Variants in PRELID2 observed in about 807,000 individuals in gnomAD.
The protein encoded by PRELID2 is PRELI domain-containing protein 2.
A neutral mutation model predicts 28.4 loss-of-function variants in PRELID2; 25 were observed. The observed-to-expected ratio is 0.88, with a 90% CI of 0.64 to 1.23. PRELID2 has a LOEUF of 1.23. PRELID2 is among the 50% of genes most tolerant of loss of function. The pLI, the probability that PRELID2 is intolerant of heterozygous loss-of-function variation, is 0.00. For missense variants in PRELID2, 201 were observed against 214.4 expected, an observed-to-expected ratio of 0.94 and a Z score of 0.39; for synonymous variants, 76 against 71.6, an observed-to-expected ratio of 1.06 and a Z score of -0.31.
chr5:145,363,399 CA>C, the PRELID2 span, among the ~76,000 whole-genome samples: 23 of 152,028 alleles, frequency 1.5e-4, no homozygotes, highest in African/African-American at 5.5e-4. Flanking sequence ...TAAGTAAAAT[CA>C]AAATCCTGTG....
intron 1 of PRELID2, among the ~76,000 whole-genome samples, chr5:145,613,809 A>G (rs548843493): frequency 1.2e-3 from 182 of 151,894 alleles, no homozygotes; most frequent in Non-Finnish European, 1.9e-3. Flanking sequence ...GCTGTGCAAA[A>G]GCTCTTCAGT....
intron 1 of PRELID2, among the ~76,000 whole-genome samples, chr5:145,697,008 A>G (rs1755283223): frequency 7.0e-6 from 1 of 142,686 alleles, no homozygotes; most frequent in African/African-American, 2.5e-5. Flanking sequence ...CAAGCAACAA[A>G]GTGGATGTAG....
At chr5:145,545,577 G>A (rs1235402532) in intron 1 of PRELID2, among the ~76,000 whole-genome samples, 3 of 151,518 alleles carry the variant, frequency 2.0e-5, no homozygotes, top group South Asian at 2.1e-4. Flanking sequence ...CTCTTTTTTT[G>A]TGGAAGAATT....
the PRELID2 span, among the ~76,000 whole-genome samples, chr5:145,281,568 A>G: frequency 6.6e-6 from 1 of 152,310 alleles, no homozygotes; most frequent in South Asian, 2.1e-4. Context: ...ATCTACCACA[A>G]AATAAGACAG....
At chr5:145,563,816 T>C (rs187732057) in intron 1 of PRELID2, among the ~76,000 whole-genome samples, 1 of 152,326 alleles carries the variant, frequency 6.6e-6, no homozygotes, top group Non-Finnish European at 1.5e-5. Flanking sequence ...TATAAAGTTA[T>C]AGTTACATAC....
At chr5:145,397,115 C>G in the PRELID2 span, among the ~76,000 whole-genome samples, 1 of 152,068 alleles carries the variant, frequency 6.6e-6, no homozygotes, top group Non-Finnish European at 1.5e-5. Context: ...AGACCCCTAT[C>G]CTGAATGTGA....
chr5:145,279,579 A>T, the PRELID2 span, among the ~76,000 whole-genome samples: 1 of 152,202 alleles, frequency 6.6e-6, no homozygotes, highest in Non-Finnish European at 1.5e-5. Context: ...CTAGAATTTC[A>T]CAAACTCTAG....
In PRELID2 at chr5:145,740,854, G is replaced by A. The variant is rs867918869; in HGVS notation, n.70+24077C>T. Among the ~76,000 whole-genome samples the A allele has an allele frequency of 4.9e-4, 13 of 26,312 alleles. 2 individuals carry two copies. The highest frequency in any genetic ancestry group is 2.6e-3 in the East Asian group (2 of 782). The allele number at this position is 26,312 out of a possible 152,430, so 17.3% of individuals were successfully genotyped here. ...TATATATTTATCGATAAATATATAT[G>A]TACATATATTTATCGATAAATATAT... On this transcript the variant is annotated intron_variant and non_coding_transcript_variant, in intron 1 of 2. Coordinates refer to the PRELID2 transcript ENST00000510259.
In PRELID2 at chr5:145,491,256, T is replaced by C. The variant is rs143847976; in HGVS notation, n.71-17941A>G. Among the ~76,000 whole-genome samples, 21 of 152,322 alleles carry C rather than the reference T, an allele frequency of 1.4e-4. No individual in the cohort carries two copies. In the East Asian group the frequency reaches 3.9e-3, roughly 28 times the overall value. On this transcript the variant is annotated intron_variant and non_coding_transcript_variant, in intron 1 of 2. Transcript: ENST00000510259. ...AAACAGATTTGGTGCCTGGTAAGGCTATGCTTTCTCATAGATGGTGTGTTC... is the reference window on the plus strand; with the variant it reads ...AAACAGATTTGGTGCCTGGTAAGGCCATGCTTTCTCATAGATGGTGTGTTC...
intron 1 of PRELID2, among the ~76,000 whole-genome samples, chr5:145,741,321 A>C (rs1447844301): frequency 5.9e-5 from 3 of 50,504 alleles, no homozygotes. Context: ...ATTTATAAAT[A>C]AATTATTTAT....
chr5:145,551,648 C>T (rs148705844), intron 1 of PRELID2, among the ~76,000 whole-genome samples: 93 of 152,100 alleles, frequency 6.1e-4, no homozygotes, highest in African/African-American at 1.5e-3. Flanking sequence ...AAACATGTTA[C>T]GAGAGAAATG....
chr5:145,455,567 T>G, the PRELID2 span, among the ~76,000 whole-genome samples: 1 of 152,242 alleles, frequency 6.6e-6, no homozygotes, highest in African/African-American at 2.4e-5. Flanking sequence ...TGATTCTTCC[T>G]ATCCATGAGC....
At chr5:145,436,204 T>A in the PRELID2 span, among the ~76,000 whole-genome samples, 1 of 152,290 alleles carries the variant, frequency 6.6e-6, no homozygotes, top group South Asian at 2.1e-4. Flanking sequence ...TCAGTTCTTG[T>A]GTTAGTTCAC....
At chr5:145,370,562 T>C in the PRELID2 span, among the ~76,000 whole-genome samples, 1 of 152,150 alleles carries the variant, frequency 6.6e-6, no homozygotes, top group African/African-American at 2.4e-5. Flanking sequence ...GCATGATACC[T>C]CCAGCTTTGT....
chr5:145,819,877 G>T (rs1243619317), intron 3 of PRELID2, 68 bp downstream of exon 3: 6 of 1,000,548 alleles, frequency 6.0e-6, no homozygotes, highest in African/African-American at 1.6e-5. Flanking sequence ...AGAAAATGCT[G>T]TTCCTTTTCA....
At chr5:145,448,280 G>C in the PRELID2 span, among the ~76,000 whole-genome samples, 1 of 151,902 alleles carries the variant, frequency 6.6e-6, no homozygotes, top group Non-Finnish European at 1.5e-5. Context: ...CTTTTGAGAA[G>C]TGTCTGTTCA....
At chr5:145,424,692 T>C in the PRELID2 span, among the ~76,000 whole-genome samples, 1 of 152,140 alleles carries the variant, frequency 6.6e-6, no homozygotes, top group Non-Finnish European at 1.5e-5. Context: ...TCTGTGTCGC[T>C]CACACTGGGA....
intron 1 of PRELID2, among the ~76,000 whole-genome samples, chr5:145,745,719 T>C (rs992486691): frequency 6.6e-6 from 1 of 151,886 alleles, no homozygotes; most frequent in African/African-American, 2.4e-5. Flanking sequence ...AACAATTAGC[T>C]GGATATTGTG....
At chr5:145,291,650 T>C in the PRELID2 span, among the ~76,000 whole-genome samples, 2 of 152,204 alleles carry the variant, frequency 1.3e-5, no homozygotes. Flanking sequence ...TTTATTTTTT[T>C]CTTTTCTTTA....
Sources: allele counts gnomAD v4.1 joint callset (sites outside exome capture counted in the v4.1 genomes callset), GRCh38; gene constraint gnomAD v4.1.1; transcripts MANE v1.5; gene names NCBI Gene and HGNC (gene_info 2026-07-23, HGNC 2026-07-21).